Variants in CDK12 observed in about 807,000 individuals in gnomAD.
CDK12 encodes cyclin dependent kinase 12.
In CDK12, 17 loss-of-function variants were observed where a neutral mutation model predicts 133.8. That is an observed-to-expected ratio of 0.13 (90% CI 0.09 to 0.19). The LOEUF is 0.19. Ranked by LOEUF, CDK12 falls within the 10% of genes least tolerant of loss-of-function variation. The pLI, the probability that CDK12 is intolerant of heterozygous loss-of-function variation, is 1.00. For synonymous variants in CDK12, 694 were observed against 683.6 expected, an observed-to-expected ratio of 1.02 and a Z score of -0.24; for missense variants, 1,508 against 1,818.7, an observed-to-expected ratio of 0.83 and a Z score of 3.11.
chr17:39,504,535 G>T (rs2052956237), intron 6 of CDK12, among the ~76,000 whole-genome samples: 1 of 151,900 alleles, frequency 6.6e-6, no homozygotes, highest in Non-Finnish European at 1.5e-5. Context: ...ACTGGTAGGG[G>T]GTGTCTTTAA....
chr17:39,494,169 G>A (rs560637762), intron 4 of CDK12, among the ~76,000 whole-genome samples: 1 of 152,168 alleles, frequency 6.6e-6, no homozygotes, highest in South Asian at 2.1e-4. Flanking sequence ...TGCCTCCCGG[G>A]TTCAAGCAAT....
intron 10 of CDK12, among the ~76,000 whole-genome samples, chr17:39,518,526 C>T (rs931591348): frequency 2.0e-5 from 3 of 151,920 alleles, no homozygotes; most frequent in Non-Finnish European, 2.9e-5. Context: ...ACTTTTTTCC[C>T]TCTCTGTTAT....
chr17:39,523,035 A>G (rs1483863519), intron 11 of CDK12, among the ~76,000 whole-genome samples: 1 of 152,148 alleles, frequency 6.6e-6, no homozygotes, highest in Non-Finnish European at 1.5e-5. Flanking sequence ...CCTAGACCAT[A>G]GAGTGATACT....
intron 2 of CDK12, among the ~76,000 whole-genome samples, chr17:39,489,125 G>T (rs559871515): frequency 2.0e-5 from 3 of 148,516 alleles, no homozygotes; most frequent in African/African-American, 5.0e-5. Context: ...CTGTCTCTCC[G>T]GCTGGAGTGC....
intron 1 of CDK12, among the ~76,000 whole-genome samples, chr17:39,541,917 G>T (rs2055436960): frequency 6.6e-6 from 1 of 152,220 alleles, no homozygotes; most frequent in African/African-American, 2.4e-5. Context: ...GCTTAAGGAA[G>T]GAAAGTGCCT....
At chr17:39,518,898 AT>A (rs765624976) in intron 10 of CDK12, among the ~76,000 whole-genome samples, 6 of 151,896 alleles carry the variant, frequency 4.0e-5, no homozygotes, top group Non-Finnish European at 8.8e-5. Flanking sequence ...ATAGCACAGC[AT>A]TTCTCGTTTG....
At chr17:39,537,069 A>G (rs764967313), downstream of CDK12, among the ~76,000 whole-genome samples, 1 of 152,210 alleles carries the variant, frequency 6.6e-6, no homozygotes, top group Non-Finnish European at 1.5e-5. Context: ...AGCATGAAGA[A>G]ACCTTTAAGA....
chr17:39,487,215 ATTG>A (rs1320682406), intron 2 of CDK12, among the ~76,000 whole-genome samples: 1 of 152,146 alleles, frequency 6.6e-6, no homozygotes, highest in Non-Finnish European at 1.5e-5. Context: ...CCTATATTGT[ATTG>A]TTCTGTCTGA....
upstream of CDK12, among the ~76,000 whole-genome samples, chr17:39,545,655 C>A (rs903269932): frequency 6.6e-6 from 1 of 151,890 alleles, no homozygotes; most frequent in African/African-American, 2.4e-5. Flanking sequence ...CCCGCCACTA[C>A]GCCTGGCTAA....
rs115162865 is a variant in CDK12, at chr17:39,527,411, G to A, written c.3760+1095G>A. On this transcript the variant is annotated intron_variant, in intron 13 of 13. Transcript: ENST00000447079. ...TATTTGGCCATTTCACTGTTAATTA[G>A]CACTTCCACCAGAGGGCAGACTGTA... Among the ~76,000 whole-genome samples, 1,417 of 152,312 alleles carry A rather than the reference G, an allele frequency of 9.3e-3. 29 individuals are homozygous for A. The highest frequency in any genetic ancestry group is 0.032 in the African/African-American group (1,339 of 41,558).
intron 1 of CDK12, among the ~76,000 whole-genome samples, chr17:39,542,553 A>G (rs780834248): frequency 1.3e-5 from 2 of 150,622 alleles, no homozygotes; most frequent in Non-Finnish European, 3.0e-5. Flanking sequence ...CTTGTTGCCC[A>G]GGCTGGAGTG....
At chr17:39,481,177 C>CG (rs1223060088) in intron 2 of CDK12, among the ~76,000 whole-genome samples, 2 of 149,450 alleles carry the variant, frequency 1.3e-5, no homozygotes, top group Admixed American at 6.8e-5. Context: ...CCCTTGAACT[C>CG]GGGGGGCGGA....
At chr17:39,469,501 G>A (rs1304855047) in intron 1 of CDK12, among the ~76,000 whole-genome samples, 1 of 152,078 alleles carries the variant, frequency 6.6e-6, no homozygotes, top group Non-Finnish European at 1.5e-5. Flanking sequence ...ATAAACTGAG[G>A]ATGCAAGGAA....
upstream of CDK12, among the ~76,000 whole-genome samples, chr17:39,545,559 C>T (rs1294042190): frequency 3.5e-5 from 5 of 141,444 alleles, no homozygotes; most frequent in Admixed American, 7.6e-5. Context: ...AGCGAAATGG[C>T]GTGATCTCAG....
At chr17:39,506,750 G>C (rs1245960191) in intron 6 of CDK12, among the ~76,000 whole-genome samples, 1 of 152,092 alleles carries the variant, frequency 6.6e-6, no homozygotes, top group Non-Finnish European at 1.5e-5. Context: ...TGTACTTGAA[G>C]TTCTTCTCAA....
At chr17:39,515,857 C>G in intron 9 of CDK12, 49 bp downstream of exon 9, 1 of 1,193,236 alleles carries the variant, frequency 8.4e-7, no homozygotes. Context: ...TAGGTATTCT[C>G]ATCCTCCAGT....
Position 39,525,996 on chromosome 17 carries a change from A to T in CDK12, c.3440A>T (p.Gln1147Leu). The T allele has an allele frequency of 6.2e-7, 1 of 1,614,200 alleles. No homozygotes were observed. Among genetic ancestry groups the T allele is most frequent in the Non-Finnish European group, 8.5e-7 (1 of 1,180,018 alleles). The change falls in exon 13 of 14, where the codon CAG (glutamine) becomes CTG (leucine). Residue 1147 changes from glutamine to leucine, a missense_variant. Physicochemically the swap from Gln to Leu is moderately radical, Grantham distance 113. Transcript: ENST00000447079. The stretch of plus-strand genomic sequence containing the variant: ...AACATCCACTCCAACCCAGAGATGC[A>T]GCAGCAGCTGGAAGCCCTGAACCAA... Reference protein sequence around the residue: ...LLNIHSNPEMQQQLEALNQSI... With the variant: ...LLNIHSNPEMLQQLEALNQSI...
In CDK12 at chr17:39,534,386, T is replaced by C. The variant is rs2055035301; in HGVS notation, c.*3070T>C. On this transcript the variant is annotated 3_prime_UTR_variant, in exon 14 of 14. Coordinates refer to ENST00000447079, the MANE Select transcript of CDK12 (RefSeq NM_016507.4). ...TCAGTTGCCACCTCATTCTCCCTGA[T>C]TTAGGTTCCTGACACTGATTCCTTT... 4.3e-6 allele frequency: 1 copy of C among 232,772 alleles called. No individual in the cohort carries two copies. Among genetic ancestry groups the C allele is most frequent in the South Asian group, 1.8e-4 (1 of 5,524 alleles). 14.4% of individuals were successfully genotyped at this position (232,772 alleles called of 1,614,324 possible). A position where few individuals can be genotyped will look rare whatever the true frequency, so the allele number is the denominator to read the frequency against.
At chr17:39,499,632 C>A (rs2052570900) in intron 5 of CDK12, among the ~76,000 whole-genome samples, 1 of 151,782 alleles carries the variant, frequency 6.6e-6, no homozygotes, top group Non-Finnish European at 1.5e-5. Flanking sequence ...GCCTCAGCCT[C>A]CCGTGTAGCT....
Sources: allele counts gnomAD v4.1 joint callset (sites outside exome capture counted in the v4.1 genomes callset), GRCh38; gene constraint gnomAD v4.1.1; transcripts MANE v1.5; gene names NCBI Gene and HGNC (gene_info 2026-07-23, HGNC 2026-07-21).